The following RELB variants were observed in gnomAD, a reference collection of about 807,000 sequenced individuals.
The protein encoded by RELB is RELB proto-oncogene, NF-kB subunit, also known as transcription factor RelB.
In RELB, 14 loss-of-function variants were observed where a neutral mutation model predicts 55.4. The observed-to-expected ratio is 0.25, with a 90% CI of 0.17 to 0.40. The LOEUF is 0.40. Ranked by LOEUF, RELB falls within the 10% of genes least tolerant of loss-of-function variation. RELB has a pLI of 1.00. For synonymous variants in RELB, 409 were observed against 371.3 expected, an observed-to-expected ratio of 1.10 and a Z score of -1.17; for missense variants, 669 against 830.7, an observed-to-expected ratio of 0.81 and a Z score of 2.39.
rs769262512 is a variant in RELB at position 45,002,957 on chromosome 19, G to C, written c.115G>C (p.Asp39His). The C allele has an allele frequency of 2.5e-6, 4 of 1,613,412 alleles. No individual in the cohort carries two copies. Among genetic ancestry groups the C allele is most frequent in the East Asian group, 4.5e-5 (2 of 44,860 alleles). The change falls in exon 2 of 12, where the codon GAC becomes CAC. Residue 39 changes from aspartate to histidine, a missense_variant. Physicochemically the swap from Asp to His is moderately conservative, Grantham distance 81. Coordinates refer to ENST00000221452, the MANE Select transcript of RELB (RefSeq NM_006509.4). ...APELGALGSP[D>H]LSSLSLAVSR... ...TTTCTCCTTCTCTGCAGGGTCCCCC[G>C]ACCTCTCCTCACTCTCGCTCGCCGT...
chr19:45,014,376 G>T (rs1292551929), intron 4 of RELB, among the ~76,000 whole-genome samples: 1 of 151,874 alleles, frequency 6.6e-6, no homozygotes, highest in East Asian at 1.9e-4. Flanking sequence ...TCACCATGTT[G>T]TCCAGGCTGG....
intron 1 of RELB, 67 bp from the exon 2 acceptor site, chr19:45,002,882 C>G: frequency 7.1e-7 from 1 of 1,403,364 alleles, no homozygotes; most frequent in Admixed American, 1.8e-5. Context: ...GTGGGGCTTC[C>G]TTGGGATATT....
chr19:45,005,796 G>A (rs1045896807), intron 2 of RELB, among the ~76,000 whole-genome samples: 5 of 152,180 alleles, frequency 3.3e-5, no homozygotes, highest in African/African-American at 1.2e-4. Flanking sequence ...TAGAGACGGG[G>A]TTTTGCCATG....
At chr19:45,027,781 C>T (rs1382527943) in intron 7 of RELB, among the ~76,000 whole-genome samples, 4 of 152,062 alleles carry the variant, frequency 2.6e-5, no homozygotes, top group Non-Finnish European at 5.9e-5. Context: ...TACATGATTA[C>T]AGTCTATCAA....
At chr19:45,004,896 G>A (rs994453080) in intron 2 of RELB, among the ~76,000 whole-genome samples, 41 of 151,888 alleles carry the variant, frequency 2.7e-4, no homozygotes, top group African/African-American at 3.4e-4. Flanking sequence ...ACAGCCGGCC[G>A]TGGTGGCTCA....
chr19:45,022,121 C>T lies in RELB; in HGVS notation c.573C>T (p.His191=), dbSNP rs756214551. ...GCCTGGTGTGGAAGGACTGGCCTCA[C>T]CGAGTCCACCCCCACAGCCTCGTGG... ...TACLVWKDWP[H]RVHPHSLVGK... Residue 191 remains histidine (H), a synonymous_variant, in exon 5 of 12, where the codon CAC becomes CAT. Coordinates refer to ENST00000221452, the MANE Select transcript of RELB (RefSeq NM_006509.4). The T allele has an allele frequency of 1.2e-6, 2 of 1,613,434 alleles. No individual in the cohort carries two copies. Among genetic ancestry groups the T allele is most frequent in the South Asian group, 1.1e-5 (1 of 91,048 alleles).
At chr19:45,011,795 T>TGA (rs1264803219) in intron 3 of RELB, 141 bp from the exon 4 acceptor site, 1 of 199,538 alleles carries the variant, frequency 5.0e-6, no homozygotes, top group Non-Finnish European at 8.4e-6. Context: ...TGTGTGTGTG[T>TGA]GTGAGAGAGA....
At chr19:45,036,966 G>A (rs779148983) in intron 11 of RELB, among the ~76,000 whole-genome samples, 3 of 150,866 alleles carry the variant, frequency 2.0e-5, no homozygotes, top group Non-Finnish European at 4.4e-5. Flanking sequence ...AGTCCCACAC[G>A]GATTCTCCTT....
intron 4 of RELB, among the ~76,000 whole-genome samples, chr19:45,014,220 A>G (rs977040557): frequency 2.3e-5 from 3 of 130,516 alleles, no homozygotes; most frequent in African/African-American, 6.2e-5. Flanking sequence ...CAGAGGCTGG[A>G]GTAAAGTGGC....
intron 11 of RELB, among the ~76,000 whole-genome samples, chr19:45,035,458 C>T (rs1353653700): frequency 6.6e-6 from 1 of 151,908 alleles, no homozygotes; most frequent in African/African-American, 2.4e-5. Context: ...GTGAAGGTTG[C>T]AGTGAGCCAA....
intron 4 of RELB, among the ~76,000 whole-genome samples, chr19:45,020,854 G>C (rs1002300720): frequency 3.7e-4 from 56 of 152,078 alleles, no homozygotes; most frequent in African/African-American, 1.3e-3. Context: ...ACCGCACCCG[G>C]CCATGGCACC....
intron 2 of RELB, among the ~76,000 whole-genome samples, chr19:45,009,549 T>G (rs1391323855): frequency 6.6e-6 from 1 of 152,174 alleles, no homozygotes; most frequent in Non-Finnish European, 1.5e-5. Flanking sequence ...CTGGTCTAAA[T>G]GTTTTTCGGG....
chr19:45,037,293 A>C, intron 11 of RELB, 112 bp from the exon 12 acceptor site: 1 of 1,252,974 alleles, frequency 8.0e-7, no homozygotes. Flanking sequence ...GAAAAAAAAA[A>C]AAAAAGGCCA....
chr19:45,017,134 G>A (rs972380802), intron 4 of RELB, among the ~76,000 whole-genome samples: 2 of 152,066 alleles, frequency 1.3e-5, no homozygotes, highest in African/African-American at 4.8e-5. Context: ...GAGACCAATG[G>A]TTAATGGTAT....
intron 7 of RELB, among the ~76,000 whole-genome samples, chr19:45,026,942 C>T (rs1338305899): frequency 6.6e-6 from 1 of 152,046 alleles, no homozygotes; most frequent in Non-Finnish European, 1.5e-5. Flanking sequence ...GATAGAATCC[C>T]AACTTAGCCG....
At chr19:45,003,931 T>G (rs1317616627) in intron 2 of RELB, among the ~76,000 whole-genome samples, 1 of 130,884 alleles carries the variant, frequency 7.6e-6, no homozygotes, top group Non-Finnish European at 1.6e-5. Context: ...TTTTTTTTTT[T>G]TTTTTTTTTT....
intron 11 of RELB, among the ~76,000 whole-genome samples, chr19:45,036,780 G>A (rs1472618003): frequency 6.6e-6 from 1 of 152,186 alleles, no homozygotes; most frequent in African/African-American, 2.4e-5. Context: ...CTGGGCTCAA[G>A]CAATCCTCCT....
In RELB at chr19:45,034,432, C is replaced by T. The variant is rs750317070; in HGVS notation, c.1277-19C>T. On this transcript the variant is annotated intron_variant, in intron 10 of 11. Coordinates refer to ENST00000221452, the MANE Select transcript of RELB (RefSeq NM_006509.4). ...AGGGCTGTCGGGGAACAGGGGTCCT[C>T]ATCTCTGCCTTCCCTCAGACCCCCA... 4 of 1,611,206 alleles carry T rather than the reference C, an allele frequency of 2.5e-6. No individual in the cohort carries two copies. Among genetic ancestry groups the T allele is most frequent in the Admixed American group, 1.7e-5 (1 of 59,428 alleles).
chr19:45,025,600 C>G lies in RELB; in HGVS notation c.755-6C>G. The stretch of plus-strand genomic sequence containing the variant: ...ACCCTCAGCCTCCCCATATCTCCCC[C>G]GACAGCTGGGTCCCTGAAGAACCAT... On this transcript the variant is annotated splice_region_variant and splice_polypyrimidine_tract_variant and intron_variant, in intron 6 of 11. Transcript: ENST00000221452. 1.9e-6 allele frequency: 3 copies of G among 1,613,886 alleles called. No homozygotes were observed. Among genetic ancestry groups the G allele is most frequent in the Non-Finnish European group, 2.5e-6 (3 of 1,179,858 alleles).
Sources: gnomAD v4.1 joint callset for allele counts (sites outside exome capture counted in the v4.1 genomes callset) on GRCh38, gnomAD v4.1.1 for gene constraint, MANE v1.5 for transcripts, NCBI Gene and HGNC (gene_info 2026-07-23, HGNC 2026-07-21) for gene names.